RFLNA: variants seen among roughly 807,000 people sequenced by gnomAD.
The protein encoded by RFLNA is refilin-A.
In RFLNA, 5 loss-of-function variants were observed where a neutral mutation model predicts 7.8. The ratio of observed to expected loss-of-function variants is 0.64; its 90% confidence interval spans 0.34 to 1.35. RFLNA has a LOEUF of 1.35. RFLNA is among the 40% of genes most tolerant of loss of function. The probability of loss-of-function intolerance (pLI) is 0.04; values close to 1 mark genes in which losing one functional copy is unlikely to be tolerated. For missense variants in RFLNA, 278 were observed against 305.5 expected (o/e 0.91, Z 0.67); for synonymous variants, 141 against 131.3 (o/e 1.07, Z -0.50).
chr12:124,302,984 G>A (rs1310635946), intron 1 of RFLNA, among the ~76,000 whole-genome samples: 1 of 152,144 alleles, frequency 6.6e-6, no homozygotes, highest in Admixed American at 6.5e-5. Flanking sequence ...AGCAACGGGG[G>A]AGGGGGGGCT....
upstream of RFLNA, among the ~76,000 whole-genome samples, chr12:124,292,348 C>A (rs186491754): frequency 1.9e-4 from 29 of 152,310 alleles, no homozygotes; most frequent in Admixed American, 7.2e-4. Context: ...GCTCCTCAGG[C>A]CTCACATTTC....
chr12:124,311,333 C>T (rs1483898792), intron 1 of RFLNA, among the ~76,000 whole-genome samples: 4 of 106,304 alleles, frequency 3.8e-5, no homozygotes, highest in African/African-American at 1.6e-4. Flanking sequence ...CCTGTGTGTT[C>T]CTCCCTGGCA....
chr12:124,299,393 GGTATTTGGTGACATGA>G (rs1422912716), intron 1 of RFLNA, among the ~76,000 whole-genome samples: 1 of 152,212 alleles, frequency 6.6e-6, no homozygotes, highest in African/African-American at 2.4e-5. Context: ...GGGAACAGGT[GGTATTTGGTGACATGA>G]GTCAATTCTT....
upstream of RFLNA, among the ~76,000 whole-genome samples, chr12:124,295,042 G>A (rs531341381): frequency 5.3e-5 from 8 of 151,992 alleles, no homozygotes; most frequent in South Asian, 4.1e-4. Flanking sequence ...GCGGGGAGAG[G>A]AAGGGGGAGG....
chr12:124,291,519 A>G (rs2033824862), upstream of RFLNA, among the ~76,000 whole-genome samples: 1 of 152,182 alleles, frequency 6.6e-6, no homozygotes, highest in South Asian at 2.1e-4. Flanking sequence ...GGCCTCCCAA[A>G]GTGCTGGGAT....
At chr12:124,308,081 G>A (rs1330735159) in intron 1 of RFLNA, among the ~76,000 whole-genome samples, 6 of 151,100 alleles carry the variant, frequency 4.0e-5, no homozygotes, top group African/African-American at 1.5e-4. Flanking sequence ...TCCTGGGTTT[G>A]AGCGATCCTC....
chr12:124,309,049 C>T lies in RFLNA; in HGVS notation c.208-2769C>T, dbSNP rs11057581. 2.1e-3 allele frequency among the ~76,000 whole-genome samples: 324 copies of T among 152,308 alleles called. 1 individual carries two copies. Among genetic ancestry groups the T allele is most frequent in the African/African-American group, 7.4e-3 (309 of 41,566 alleles). On this transcript the variant is annotated intron_variant, in intron 1 of 2. Transcript: ENST00000546355. ...GGCTAGTGGCCCCTGTATTAGAAGC[C>T]CTAGAACAGGGTCCCAGGGCATGGC...
At chr12:124,294,602 G>GC (rs5801543), upstream of RFLNA, among the ~76,000 whole-genome samples, 149,347 of 152,234 alleles carry the variant, frequency 0.98, 73,325 homozygotes, top group Middle Eastern at 1. Context: ...CGCCCCCGCC[G>GC]CCCCCACCCA....
Position 124,289,852 on chromosome 12 carries a change from T to A in RFLNA, c.-37+482T>A, listed in dbSNP as rs554419316. On this transcript the variant is annotated intron_variant, in intron 1 of 2. Transcript: ENST00000324038. This position sits in a 1 kb window ranked among gnomAD's most constrained non-coding sequence, Gnocchi z 5.0. ...ACTCCCCGGGGCAGGGAGGCATCCC[T>A]GGGCCAGGCACTAGGACCTGGCCTG... Among the ~76,000 whole-genome samples the A allele has an allele frequency of 2.0e-5, 3 of 152,298 alleles. No homozygotes were observed. The highest frequency in any genetic ancestry group is 7.2e-5 in the African/African-American group (3 of 41,556).
At position 124,308,012 on chromosome 12, in the gene RFLNA, C is replaced by T. The variant is rs371212418; in HGVS notation, c.208-3806C>T. ...TTTTTTTTTTTTTGAGACAGAGTCC[C>T]GCTCTGTTGCCCAGGCTGGAGTACA... On this transcript the variant is annotated intron_variant, in intron 1 of 2. Transcript: ENST00000546355. Among the ~76,000 whole-genome samples, 108 of 151,404 alleles carry T rather than the reference C, an allele frequency of 7.1e-4. 1 individual carries two copies. The South Asian group carries it at 0.012, about 17-fold the overall frequency.
At chr12:124,308,907 G>T (rs571274961) in intron 1 of RFLNA, among the ~76,000 whole-genome samples, 1 of 152,240 alleles carries the variant, frequency 6.6e-6, no homozygotes, top group Non-Finnish European at 1.5e-5. Context: ...GACAGTGAGC[G>T]TGTTCTGGAT....
chr12:124,290,849 G>A (rs1173824353), upstream of RFLNA, among the ~76,000 whole-genome samples: 1 of 152,202 alleles, frequency 6.6e-6, no homozygotes, highest in Non-Finnish European at 1.5e-5. The surrounding 1 kb of genome is among the most constrained non-coding windows in gnomAD (Gnocchi z 4.0). Flanking sequence ...GGGACACTGA[G>A]GCACAGAAAG....
At position 124,289,467 on chromosome 12, in the gene RFLNA, T is replaced by C. The variant is rs1378873177; in HGVS notation, c.-37+97T>C. The C allele has an allele frequency of 6.6e-6, 1 of 152,206 alleles. No individual in the cohort carries two copies. Among genetic ancestry groups the C allele is most frequent in the Non-Finnish European group, 1.5e-5 (1 of 68,050 alleles). The allele number at this position is 152,206 out of a possible 1,614,324, so 9.4% of individuals were successfully genotyped here. A position where few individuals can be genotyped will look rare whatever the true frequency, so the allele number is the denominator to read the frequency against. ...GGCAGACCGTTAGAACAGCTTTCAT[T>C]ACTCACTGAAAGCACTGGGAATCTG... On this transcript the variant is annotated intron_variant, in intron 1 of 2. Transcript: ENST00000324038. This position sits in a 1 kb window ranked among gnomAD's most constrained non-coding sequence, Gnocchi z 5.0.
chr12:124,312,753 A>G (rs988053612), intron 2 of RFLNA, among the ~76,000 whole-genome samples: 12 of 151,556 alleles, frequency 7.9e-5, no homozygotes, highest in African/African-American at 2.9e-4. Flanking sequence ...GAGGCCACCC[A>G]TGAGCTACTG....
upstream of RFLNA, among the ~76,000 whole-genome samples, chr12:124,294,275 G>A (rs771328822): frequency 2.6e-5 from 4 of 152,072 alleles, no homozygotes; most frequent in Non-Finnish European, 5.9e-5. Flanking sequence ...TGTTCTCTTC[G>A]CCCTATTAGC....
At chr12:124,308,471 G>A (rs2034177247) in intron 1 of RFLNA, among the ~76,000 whole-genome samples, 1 of 152,168 alleles carries the variant, frequency 6.6e-6, no homozygotes, top group Non-Finnish European at 1.5e-5. Flanking sequence ...CCTTGTCCTT[G>A]GAAAGCCACC....
At chr12:124,311,254 T>G (rs1218782453) in intron 1 of RFLNA, among the ~76,000 whole-genome samples, 1 of 152,198 alleles carries the variant, frequency 6.6e-6, no homozygotes, top group Non-Finnish European at 1.5e-5. Flanking sequence ...AGGCCCTCCC[T>G]GCCCTCCTGC....
At chr12:124,313,571 C>T (rs1455572465) in intron 2 of RFLNA, among the ~76,000 whole-genome samples, 5 of 151,704 alleles carry the variant, frequency 3.3e-5, no homozygotes, top group South Asian at 2.1e-4. Flanking sequence ...CCCAGCTACT[C>T]GGGAGGCTGA....
At chr12:124,296,423 T>C (rs2033930672) in intron 1 of RFLNA, among the ~76,000 whole-genome samples, 2 of 151,406 alleles carry the variant, frequency 1.3e-5, no homozygotes, top group Non-Finnish European at 2.9e-5. Context: ...GGGAAGCATA[T>C]GGGCCGAGCG....
Sources: gnomAD v4.1 joint callset for allele counts (sites outside exome capture counted in the v4.1 genomes callset) on GRCh38, gnomAD v4.1.1 for gene constraint, Gnocchi (gnomAD v3.1) non-coding constraint, MANE v1.5 for transcripts, NCBI Gene and HGNC (gene_info 2026-07-23, HGNC 2026-07-21) for gene names.